The following SLC25A13 variants were observed in gnomAD, a reference collection of about 807,000 sequenced individuals.
The protein encoded by SLC25A13 is electrogenic aspartate/glutamate antiporter SLC25A13, mitochondrial.
SLC25A13 carries 70 observed loss-of-function variants against 85.5 expected under a neutral mutation model. The observed-to-expected ratio is 0.82, with a 90% confidence interval of 0.68 to 1.00. SLC25A13 has a LOEUF of 1.00. Ranked by LOEUF, SLC25A13 falls within the 50% of genes least tolerant of loss-of-function variation. The pLI, the probability that SLC25A13 is intolerant of heterozygous loss-of-function variation, is 0.00. For synonymous variants in SLC25A13, 259 were observed against 288.7 expected, an observed-to-expected ratio of 0.90 and a Z score of 1.04; for missense variants, 765 against 819.8, an observed-to-expected ratio of 0.93 and a Z score of 0.82.
At chr7:96,220,868 T>C (rs921757629) in intron 4 of SLC25A13, among the ~76,000 whole-genome samples, 10 of 152,094 alleles carry the variant, frequency 6.6e-5, no homozygotes, top group African/African-American at 1.9e-4. Flanking sequence ...CTGACAGGCT[T>C]CTAAGGAACA....
chr7:96,274,320 C>T (rs1338334489), intron 3 of SLC25A13, among the ~76,000 whole-genome samples: 1 of 152,002 alleles, frequency 6.6e-6, no homozygotes, highest in East Asian at 1.9e-4. Context: ...TGAGAAGTGT[C>T]TGTTCATATC....
In SLC25A13 at chr7:96,264,270, T is replaced by C. The variant is rs539789457; in HGVS notation, c.212+12926A>G. Among the ~76,000 whole-genome samples, 102 of 152,308 alleles carry C rather than the reference T, an allele frequency of 6.7e-4. No individual in the cohort carries two copies. In the South Asian group the frequency reaches 8.3e-3, roughly 12 times the overall value. On this transcript the variant is annotated intron_variant, in intron 3 of 17. Coordinates refer to ENST00000265631, the MANE Select transcript of SLC25A13 (RefSeq NM_014251.3). ...TGACCACTAATCCTCAGGTAAGCAC[T>C]CAAGTGGGTCCTGCCCAGCCATCAT...
intron 13 of SLC25A13, among the ~76,000 whole-genome samples, chr7:96,153,806 G>A (rs187328531): frequency 1.3e-5 from 2 of 152,052 alleles, no homozygotes; most frequent in Non-Finnish European, 2.9e-5. Flanking sequence ...CTTTATTAGA[G>A]GAGAACAATA....
chr7:96,259,750 T>C (rs113861705), intron 3 of SLC25A13, among the ~76,000 whole-genome samples: 2 of 152,146 alleles, frequency 1.3e-5, no homozygotes, highest in African/African-American at 4.8e-5. Flanking sequence ...TAAAAACACA[T>C]GCACACGTAT....
intron 5 of SLC25A13, among the ~76,000 whole-genome samples, chr7:96,205,140 C>T (rs1212971059): frequency 1.3e-5 from 2 of 152,146 alleles, no homozygotes; most frequent in Non-Finnish European, 2.9e-5. Context: ...GAACTCCTGA[C>T]CTCATGATCC....
At chr7:96,309,118 G>C (rs1041015159) in intron 1 of SLC25A13, among the ~76,000 whole-genome samples, 2 of 152,170 alleles carry the variant, frequency 1.3e-5, no homozygotes, top group South Asian at 4.1e-4. Context: ...TTGCCAGTGA[G>C]CACAACAAAG....
intron 3 of SLC25A13, among the ~76,000 whole-genome samples, chr7:96,254,577 T>C (rs1016079470): frequency 1.3e-5 from 2 of 152,216 alleles, no homozygotes; most frequent in African/African-American, 2.4e-5. Context: ...TACCCACATA[T>C]GTGTGTGTAT....
intron 14 of SLC25A13, among the ~76,000 whole-genome samples, chr7:96,138,334 T>C (rs1276603997): frequency 6.6e-6 from 1 of 152,200 alleles, no homozygotes; most frequent in Non-Finnish European, 1.5e-5. Flanking sequence ...TTTCCTCTGA[T>C]GTGTCTAGTC....
chr7:96,191,372 T>G (rs1794844016), intron 6 of SLC25A13, 125 bp from the exon 7 acceptor site: 3 of 1,029,978 alleles, frequency 2.9e-6, no homozygotes, highest in Non-Finnish European at 4.2e-6. Flanking sequence ...GAAATGACTA[T>G]AAGTATTTTT....
chr7:96,286,351 T>C (rs370282075), intron 2 of SLC25A13, among the ~76,000 whole-genome samples: 1 of 151,570 alleles, frequency 6.6e-6, no homozygotes, highest in Non-Finnish European at 1.5e-5. Flanking sequence ...AGTCCTGTCC[T>C]GACTACCACC....
intron 8 of SLC25A13, 62 bp from the exon 9 acceptor site, chr7:96,189,440 A>C: frequency 6.3e-7 from 1 of 1,577,164 alleles, no homozygotes; most frequent in Non-Finnish European, 8.7e-7. Context: ...TACATTATAA[A>C]ATTTAAAAAC....
intron 3 of SLC25A13, among the ~76,000 whole-genome samples, chr7:96,264,339 T>C (rs1009261996): frequency 6.6e-6 from 1 of 152,210 alleles, no homozygotes; most frequent in African/African-American, 2.4e-5. Context: ...GATAACTATG[T>C]AGTATACGAA....
chr7:96,216,832 C>G (rs187975272), intron 4 of SLC25A13, among the ~76,000 whole-genome samples: 1 of 151,768 alleles, frequency 6.6e-6, no homozygotes, highest in Non-Finnish European at 1.5e-5. Flanking sequence ...ATAATTTGTA[C>G]GACAAACCCC....
intron 3 of SLC25A13, among the ~76,000 whole-genome samples, chr7:96,244,734 T>C (rs2116848033): frequency 6.6e-6 from 1 of 152,346 alleles, no homozygotes. Context: ...AGCTCTACTA[T>C]GTACTCTGGT....
Position 96,157,820 on chromosome 7 carries a change from A to G in SLC25A13, c.1312-11124T>C, listed in dbSNP as rs750360637. ...TATCTTGGAAAACAAACAAACAAAC[A>G]AACAAACAAACAGAATTTTAAGAAA... is the stretch of plus-strand genomic sequence containing the variant. On this transcript the variant is annotated intron_variant, in intron 13 of 17. Coordinates refer to ENST00000265631, the MANE Select transcript of SLC25A13 (RefSeq NM_014251.3). Among the ~76,000 whole-genome samples, 258 of 152,106 alleles carry G rather than the reference A, an allele frequency of 1.7e-3. 2 individuals are homozygous for G. The highest frequency in any genetic ancestry group is 2.3e-3 in the Non-Finnish European group (156 of 67,978).
chr7:96,283,819 T>TAAAAAAAAAAAAAAAAAAAAAAAAAAA (rs1224658803), intron 2 of SLC25A13: 1 of 80,918 alleles, frequency 1.2e-5, no homozygotes. Flanking sequence ...AATAGGTGTT[T>TAAAAAAAAAAAAAAAAAAAAAAAAAAA]AAAAAAAAAA....
At position 96,184,983 on chromosome 7, in the gene SLC25A13, A is replaced by C. The variant is rs1245168311; in HGVS notation, c.962T>G (p.Val321Gly). The change falls in exon 10 of 18, where the codon GTT becomes GGT. Residue 321 changes from valine (V) to glycine (G), a missense_variant. Coordinates refer to ENST00000265631, the MANE Select transcript of SLC25A13 (RefSeq NM_014251.3). ...QKASGDSARP[V>G]LLQVAESAYR... is the part of the protein sequence containing the mutation. ...GGCCGACTCTGCAACTTGTAGAAGA[A>C]CTGGTCGAGCTGAATCACCTGAGGC... is the stretch of plus-strand genomic sequence containing the variant. 6.2e-7 allele frequency: 1 copy of C among 1,614,078 alleles called. No homozygotes were observed. The highest frequency in any genetic ancestry group is 8.5e-7 in the Non-Finnish European group (1 of 1,180,028).
chr7:96,148,850 C>G (rs1242605170), intron 13 of SLC25A13, among the ~76,000 whole-genome samples: 3 of 152,198 alleles, frequency 2.0e-5, no homozygotes, highest in Admixed American at 1.3e-4. Context: ...GAGCTTCGGT[C>G]TCCCTATTTG....
At chr7:96,306,016 C>A (rs1311924282) in intron 1 of SLC25A13, among the ~76,000 whole-genome samples, 2 of 152,206 alleles carry the variant, frequency 1.3e-5, no homozygotes, top group Admixed American at 1.3e-4. Context: ...TGACATGACT[C>A]TAATGCTTTG....
Sources: allele counts gnomAD v4.1 joint callset (sites outside exome capture counted in the v4.1 genomes callset), GRCh38; gene constraint gnomAD v4.1.1; transcripts MANE v1.5; gene names NCBI Gene and HGNC (gene_info 2026-07-23, HGNC 2026-07-21).